SLC6A11: variants seen among roughly 807,000 people sequenced by gnomAD.
SLC6A11 encodes sodium- and chloride-dependent GABA transporter 3.
SLC6A11 carries 25 observed loss-of-function variants against 74.8 expected under a neutral mutation model. The observed-to-expected ratio is 0.33, with a 90% CI of 0.24 to 0.47. SLC6A11 has a LOEUF of 0.47. Among genes scored for constraint, SLC6A11 ranks in the 20% least tolerant of loss-of-function variants. SLC6A11 has a pLI of 1.00. For missense variants in SLC6A11, 574 were observed against 837.0 expected (o/e 0.69, Z 3.88); for synonymous variants, 330 against 330.2 (o/e 1.00, Z 0.01).
intron 8 of SLC6A11, among the ~76,000 whole-genome samples, chr3:10,925,787 C>G (rs1021022639): frequency 2.6e-5 from 4 of 152,136 alleles, no homozygotes; most frequent in Non-Finnish European, 4.4e-5. Flanking sequence ...CTTCCAAGGC[C>G]CTTGTTTACC....
intron 6 of SLC6A11, among the ~76,000 whole-genome samples, chr3:10,908,019 T>C (rs1231186850): frequency 1.3e-5 from 2 of 152,158 alleles, no homozygotes; most frequent in East Asian, 3.9e-4. Flanking sequence ...TAGTCACAGC[T>C]ACTCAGGAGG....
In SLC6A11 at chr3:10,918,932, T is replaced by A. The variant is rs896978726; in HGVS notation, c.1120+479T>A. Among the ~76,000 whole-genome samples, 11 of 152,122 alleles carry A rather than the reference T, an allele frequency of 7.2e-5. No individual in the cohort carries two copies. The highest frequency in any genetic ancestry group is 2.4e-4 in the African/African-American group (10 of 41,430). On this transcript the variant is annotated intron_variant, in intron 8 of 13. Coordinates refer to ENST00000254488, the MANE Select transcript of SLC6A11 (RefSeq NM_014229.3). This position sits in a 1 kb window ranked among gnomAD's most constrained non-coding sequence, Gnocchi z 4.5. ...GACTCAGCGTGGCCACAAAGCCCTGTGTTGCCCGGCTCCTGTGGCCCCACC... is the reference window on the plus strand; with the variant it reads ...GACTCAGCGTGGCCACAAAGCCCTGAGTTGCCCGGCTCCTGTGGCCCCACC...
chr3:10,885,935 C>T (rs1695037275), intron 6 of SLC6A11, among the ~76,000 whole-genome samples: 1 of 152,206 alleles, frequency 6.6e-6, no homozygotes. Context: ...CCTCTGTGCA[C>T]AGCTCCCTTT....
rs962865878 is a variant in SLC6A11 at position 10,816,928 on chromosome 3, C to T, written c.256+407C>T. ...GATCAAAGTGGTCTCAGTTTTTGCGCGCTTACTGAAGTGCCGAGCACCTTT... is the reference window on the plus strand; with the variant it reads ...GATCAAAGTGGTCTCAGTTTTTGCGTGCTTACTGAAGTGCCGAGCACCTTT... On this transcript the variant is annotated intron_variant, in intron 1 of 13. Transcript: ENST00000254488. This position sits in a 1 kb window ranked among gnomAD's most constrained non-coding sequence, Gnocchi z 4.2. Among the ~76,000 whole-genome samples, 1 of 152,218 alleles carries T rather than the reference C, an allele frequency of 6.6e-6. No homozygotes were observed. The highest frequency in any genetic ancestry group is 2.4e-5 in the African/African-American group (1 of 41,458).
intron 6 of SLC6A11, among the ~76,000 whole-genome samples, chr3:10,911,157 A>T (rs1695383363): frequency 6.6e-6 from 1 of 152,176 alleles, no homozygotes; most frequent in Non-Finnish European, 1.5e-5. Flanking sequence ...GTAATGCATG[A>T]AGGGCAGTAA....
chr3:10,886,308 G>A lies in SLC6A11; in HGVS notation c.891+11213G>A, dbSNP rs556932761. ...CCTCTTGCTTCAGGATTCAAATCAAGACTGCTCCCCGTGGCCATGGTCAAG... is the reference window on the plus strand; with the variant it reads ...CCTCTTGCTTCAGGATTCAAATCAAAACTGCTCCCCGTGGCCATGGTCAAG... On this transcript the variant is annotated intron_variant, in intron 6 of 13. Coordinates refer to ENST00000254488, the MANE Select transcript of SLC6A11 (RefSeq NM_014229.3). Among the ~76,000 whole-genome samples the A allele has an allele frequency of 2.0e-5, 3 of 152,318 alleles. No homozygotes were observed. In the South Asian group the frequency reaches 6.2e-4, roughly 32 times the overall value.
At chr3:10,856,832 C>T (rs1694643940) in intron 5 of SLC6A11, among the ~76,000 whole-genome samples, 1 of 152,202 alleles carries the variant, frequency 6.6e-6, no homozygotes, top group Non-Finnish European at 1.5e-5. Flanking sequence ...GCTCTGTTTC[C>T]ACGGTGACCT....
intron 4 of SLC6A11, among the ~76,000 whole-genome samples, chr3:10,829,718 G>A (rs1037544144): frequency 3.9e-5 from 6 of 152,168 alleles, no homozygotes; most frequent in Non-Finnish European, 2.9e-5. Context: ...CTTGTCAAGA[G>A]CATGGAATGA....
intron 4 of SLC6A11, among the ~76,000 whole-genome samples, chr3:10,829,646 AG>A: frequency 6.6e-6 from 1 of 152,326 alleles, no homozygotes; most frequent in African/African-American, 2.4e-5. Context: ...GGCAACCTGA[AG>A]AGCCTCTGCC....
intron 4 of SLC6A11, among the ~76,000 whole-genome samples, chr3:10,837,830 C>T (rs917685129): frequency 6.6e-6 from 1 of 152,194 alleles, no homozygotes; most frequent in Non-Finnish European, 1.5e-5. Context: ...CTGTCGGAGT[C>T]CCCCCATAAA....
chr3:10,833,555 G>T (rs1694326088), intron 4 of SLC6A11, among the ~76,000 whole-genome samples: 1 of 152,156 alleles, frequency 6.6e-6, no homozygotes, highest in South Asian at 2.1e-4. Flanking sequence ...CTGCTTGTAT[G>T]CACGGTTGTT....
intron 6 of SLC6A11, among the ~76,000 whole-genome samples, chr3:10,882,104 C>T (rs1694988433): frequency 6.6e-6 from 1 of 152,076 alleles, no homozygotes. Flanking sequence ...TCATGGTGGC[C>T]CCATTCGTCC....
chr3:10,922,304 A>C (rs1695547287), intron 8 of SLC6A11, among the ~76,000 whole-genome samples: 1 of 152,222 alleles, frequency 6.6e-6, no homozygotes, highest in African/African-American at 2.4e-5. Context: ...TAACAAAAAA[A>C]CATAAGATTA....
Position 10,938,454 on chromosome 3 carries a change from A to T in SLC6A11, c.*52A>T. 1.3e-6 allele frequency: 2 copies of T among 1,528,826 alleles called. No individual in the cohort carries two copies. The highest frequency in any genetic ancestry group is 2.5e-5 in the South Asian group (2 of 80,034). 94.7% of individuals were successfully genotyped at this position (1,528,826 alleles called of 1,614,324 possible). A position where few individuals can be genotyped will look rare whatever the true frequency, so the allele number is the denominator to read the frequency against. ...CTTCCTTTCTTCCCCCCGTGTATGT[A>T]AATGAATTCCTGAACCCCATACTTC... On this transcript the variant is annotated 3_prime_UTR_variant, in exon 14 of 14. Transcript: ENST00000254488.
At chr3:10,850,653 G>A (rs570880943) in intron 5 of SLC6A11, among the ~76,000 whole-genome samples, 1 of 152,274 alleles carries the variant, frequency 6.6e-6, no homozygotes, top group African/African-American at 2.4e-5. Flanking sequence ...GAACTTGTGC[G>A]GCAAAGTAAA....
chr3:10,822,922 G>A (rs561772237), intron 3 of SLC6A11, among the ~76,000 whole-genome samples: 62 of 152,122 alleles, frequency 4.1e-4, no homozygotes, highest in Admixed American at 2.9e-3. Context: ...CACCATGGAC[G>A]ATCTATTCCT....
chr3:10,926,934 G>T lies in SLC6A11; in HGVS notation c.1233+818G>T, dbSNP rs73812356. Among the ~76,000 whole-genome samples the T allele has an allele frequency of 6.6e-6, 1 of 152,082 alleles. No individual in the cohort carries two copies. The highest frequency in any genetic ancestry group is 1.5e-5 in the Non-Finnish European group (1 of 68,008). Reference sequence around the variant, plus strand: ...CCCCCAGCCACAGCCTCCCCGCCTCGGAGACTGGGGTCTCTTGGCCAACCA... The same window carrying T: ...CCCCCAGCCACAGCCTCCCCGCCTCTGAGACTGGGGTCTCTTGGCCAACCA... On this transcript the variant is annotated intron_variant, in intron 9 of 13. Transcript: ENST00000254488. The surrounding 1 kb of genome is among the most constrained non-coding windows in gnomAD (Gnocchi z 5.7).
rs923448988 is a variant in SLC6A11, at chr3:10,844,099, C to T, written c.624-115C>T. ...TCCTCCCCAGAGGAGACATTTGGCCCACGGTGGACGTGGGTGAATGAGCAC... is the reference window on the plus strand; with the variant it reads ...TCCTCCCCAGAGGAGACATTTGGCCTACGGTGGACGTGGGTGAATGAGCAC... On this transcript the variant is annotated intron_variant, in intron 4 of 13. Transcript: ENST00000254488. The T allele has an allele frequency of 3.8e-5, 49 of 1,289,202 alleles. No homozygotes were observed. The African/African-American group carries it at 6.4e-4, about 17-fold the overall frequency. The allele number at this position is 1,289,202 out of a possible 1,614,324, so 79.9% of individuals were successfully genotyped here. A position where few individuals can be genotyped will look rare whatever the true frequency, so the allele number is the denominator to read the frequency against.
At chr3:10,932,763 T>C (rs1268675946) in intron 10 of SLC6A11, among the ~76,000 whole-genome samples, 1 of 152,098 alleles carries the variant, frequency 6.6e-6, no homozygotes, top group African/African-American at 2.4e-5. Context: ...GGAAGGTTCC[T>C]CTGAAAGCTG....
Sources: gnomAD v4.1 joint callset for allele counts (sites outside exome capture counted in the v4.1 genomes callset) on GRCh38, gnomAD v4.1.1 for gene constraint, Gnocchi (gnomAD v3.1) non-coding constraint, MANE v1.5 for transcripts, NCBI Gene and HGNC (gene_info 2026-07-23, HGNC 2026-07-21) for gene names.